Variants in CACNA1C observed in about 807,000 individuals in gnomAD.
The protein encoded by CACNA1C is voltage-dependent L-type calcium channel subunit alpha-1C.
A neutral mutation model predicts 229.0 loss-of-function variants in CACNA1C; 30 were observed. That is an observed-to-expected ratio of 0.13 (90% CI 0.10 to 0.18). The LOEUF is 0.18. Ranked by LOEUF, CACNA1C falls within the 10% of genes least tolerant of loss-of-function variation. CACNA1C has a pLI of 1.00. For missense variants in CACNA1C, 1,658 were observed against 2,845.0 expected (o/e 0.58, Z 9.49); for synonymous variants, 1,114 against 1,132.5 (o/e 0.98, Z 0.33).
chr12:2,069,517 C>T lies in CACNA1C; in HGVS notation c.49+15906C>T, dbSNP rs569060675. On this transcript the variant is annotated intron_variant, in intron 1 of 46. Coordinates refer to ENST00000399655, the MANE Select transcript of CACNA1C (RefSeq NM_000719.7). ...GACCGAGCTTGTAACCCCTGAAAGA[C>T]AGCATGTGGTCACAAGATACAGCCA... Among the ~76,000 whole-genome samples the T allele has an allele frequency of 3.9e-5, 6 of 152,268 alleles. No individual in the cohort carries two copies. In the South Asian group the frequency reaches 1.0e-3, roughly 26 times the overall value.
At chr12:2,075,861 C>A (rs2063010723) in intron 1 of CACNA1C, among the ~76,000 whole-genome samples, 1 of 152,188 alleles carries the variant, frequency 6.6e-6, no homozygotes, top group Non-Finnish European at 1.5e-5. Flanking sequence ...CCATGGAGAA[C>A]TGACAGTCAG....
chr12:2,264,087 C>T (rs1326483153), intron 3 of CACNA1C, among the ~76,000 whole-genome samples: 1 of 152,182 alleles, frequency 6.6e-6, no homozygotes, highest in Admixed American at 6.5e-5. Flanking sequence ...GCTGCAGAGC[C>T]CCTGTTGCAC....
intron 19 of CACNA1C, among the ~76,000 whole-genome samples, chr12:2,593,914 G>A (rs1176279203): frequency 5.3e-5 from 8 of 152,012 alleles, no homozygotes; most frequent in East Asian, 1.9e-4. Context: ...CTTTAGTTCC[G>A]TAATGGCAAA....
chr12:2,351,772 G>A (rs1408702879), intron 3 of CACNA1C, among the ~76,000 whole-genome samples: 2 of 152,096 alleles, frequency 1.3e-5, no homozygotes, highest in African/African-American at 4.8e-5. Flanking sequence ...TCCCATGTGG[G>A]TTCTGCAGGT....
intron 3 of CACNA1C, among the ~76,000 whole-genome samples, chr12:2,342,825 G>T (rs938080096): frequency 1.3e-5 from 2 of 152,178 alleles, no homozygotes; most frequent in African/African-American, 4.8e-5. Context: ...GAGCCCTTGT[G>T]TTTGATTTCT....
rs113319539 is a variant in CACNA1C at position 2,310,653 on chromosome 12, G to A, written c.478-138323G>A. Among the ~76,000 whole-genome samples, 55 of 152,216 alleles carry A rather than the reference G, an allele frequency of 3.6e-4. 1 individual carries two copies. Among genetic ancestry groups the A allele is most frequent in the Middle Eastern group, 3.4e-3 (1 of 294 alleles). ...AGTCTGGAGTTGTTTCTATTTAGTT[G>A]TTCCTAAAGGCAGGGGGATGGACTA... On this transcript the variant is annotated intron_variant, in intron 3 of 46. Coordinates refer to ENST00000399655, the MANE Select transcript of CACNA1C (RefSeq NM_000719.7).
chr12:2,635,480 T>G (rs2092418054), intron 30 of CACNA1C, among the ~76,000 whole-genome samples: 1 of 152,184 alleles, frequency 6.6e-6, no homozygotes. Flanking sequence ...GAGCAGATGC[T>G]TTAGAGTTTT....
At chr12:2,298,172 T>G (rs1446881652) in intron 3 of CACNA1C, among the ~76,000 whole-genome samples, 2 of 152,228 alleles carry the variant, frequency 1.3e-5, no homozygotes, top group African/African-American at 4.8e-5. Flanking sequence ...GGGACAGTCC[T>G]TCCTGGGAAG....
intron 3 of CACNA1C, among the ~76,000 whole-genome samples, chr12:2,144,875 G>C (rs1195108528): frequency 6.6e-6 from 1 of 151,244 alleles, no homozygotes; most frequent in Non-Finnish European, 1.5e-5. Flanking sequence ...ATCTTCATGG[G>C]GAGTAGATTG....
At chr12:2,670,586 C>T (rs2096509054) in intron 38 of CACNA1C, among the ~76,000 whole-genome samples, 1 of 152,046 alleles carries the variant, frequency 6.6e-6, no homozygotes, top group Non-Finnish European at 1.5e-5. Flanking sequence ...AGGGGCCAGG[C>T]GTGCTGGCTC....
chr12:2,050,870 T>A (rs577672254), upstream of CACNA1C, among the ~76,000 whole-genome samples: 6 of 152,174 alleles, frequency 3.9e-5, no homozygotes, highest in Non-Finnish European at 7.3e-5. Flanking sequence ...ATAGGGGGAA[T>A]TGCAACACTC....
At chr12:2,202,464 A>G (rs529581355) in intron 3 of CACNA1C, among the ~76,000 whole-genome samples, 1 of 152,388 alleles carries the variant, frequency 6.6e-6, no homozygotes, top group Non-Finnish European at 1.5e-5. Context: ...TATATAGCTC[A>G]GCATGAATAT....
intron 3 of CACNA1C, among the ~76,000 whole-genome samples, chr12:2,194,244 T>C (rs2097331690): frequency 1.8e-5 from 2 of 113,812 alleles, no homozygotes; most frequent in Admixed American, 8.4e-5. Flanking sequence ...TTGTTCCTCC[T>C]CCACTGCCTC....
intron 3 of CACNA1C, among the ~76,000 whole-genome samples, chr12:2,218,803 T>C (rs1315269270): frequency 6.6e-6 from 1 of 152,168 alleles, no homozygotes; most frequent in Non-Finnish European, 1.5e-5. Context: ...AGGTTGCACG[T>C]AGGGGTCTGA....
chr12:2,566,422 C>G lies in CACNA1C; in HGVS notation c.1509C>G (p.Ser503Arg). Reference protein sequence around the residue: ...LAHRISKSKFSRYWRRWNRFC... With the variant: ...LAHRISKSKFRRYWRRWNRFC... The stretch of plus-strand genomic sequence containing the variant: ...CCTTCTCTCCCTGTCCCCTTTCCAG[C>G]CGCTACTGGCGCCGGTGGAATCGGT... The change falls in exon 12 of 47, where the codon AGC becomes AGG. Residue 503 changes from serine to arginine, a missense_variant and splice_region_variant. Physicochemically the swap from Ser to Arg is moderately radical, Grantham distance 110 (BLOSUM62 -1). This residue lies in a region of CACNA1C where 149 missense variants were observed against 194.2 expected (regional missense o/e 0.77). Coordinates refer to ENST00000399655, the MANE Select transcript of CACNA1C (RefSeq NM_000719.7). The surrounding 1 kb of genome is among the most constrained non-coding windows in gnomAD (Gnocchi z 4.0). 6.3e-7 allele frequency: 1 copy of G among 1,588,638 alleles called. No homozygotes were observed. The highest frequency in any genetic ancestry group is 8.6e-7 in the Non-Finnish European group (1 of 1,166,890).
At chr12:2,667,279 A>ACTCTGTGCTCCTTTTCTCCCTCCC (rs1569148497) in intron 37 of CACNA1C, among the ~76,000 whole-genome samples, 102 of 151,768 alleles carry the variant, frequency 6.7e-4, no homozygotes, top group African/African-American at 2.3e-3. Context: ...CACCATGGCC[A>ACTCTGTGCTCCTTTTCTCCCTCCC]CTCCACGCTC....
At chr12:2,456,373 A>C (rs2099419081) in intron 4 of CACNA1C, among the ~76,000 whole-genome samples, 1 of 152,182 alleles carries the variant, frequency 6.6e-6, no homozygotes. Context: ...ACAACAGCAG[A>C]ATGATTCTTT....
Position 2,034,236 on chromosome 12 carries a change from G to A in CACNA1C, c.139+63035G>A, listed in dbSNP as rs2048714912. Among the ~76,000 whole-genome samples the A allele has an allele frequency of 6.6e-6, 1 of 152,218 alleles. No individual in the cohort carries two copies. The highest frequency in any genetic ancestry group is 1.5e-5 in the Non-Finnish European group (1 of 68,040). ...AAACTCACATGCTTAGTGTGGGAAA[G>A]TTAAGATTTTGCCACATCCAAGTCC... is the stretch of plus-strand genomic sequence containing the variant. On this transcript the variant is annotated intron_variant, in intron 1 of 46. Coordinates refer to the CACNA1C transcript ENST00000682462. This position sits in a 1 kb window ranked among gnomAD's most constrained non-coding sequence, Gnocchi z 4.1.
At chr12:2,680,546 A>G in intron 42 of CACNA1C, 1 of 1,569,940 alleles carries the variant, frequency 6.4e-7, no homozygotes, top group Non-Finnish European at 8.6e-7. Flanking sequence ...AGTGGCTCCC[A>G]GCAGGCTGCA....
Sources: allele counts gnomAD v4.1 joint callset (sites outside exome capture counted in the v4.1 genomes callset), GRCh38; gene constraint gnomAD v4.1.1; regional missense constraint gnomAD v4.1.1; non-coding constraint Gnocchi (gnomAD v3.1); transcripts MANE v1.5; gene names NCBI Gene and HGNC (gene_info 2026-07-23, HGNC 2026-07-21).